TUSC3: variants seen among roughly 807,000 people sequenced by gnomAD.
TUSC3 encodes tumor suppressor candidate 3.
Under a neutral mutation model 44.8 loss-of-function variants are expected in TUSC3, and 45 were observed. The observed-to-expected ratio is 1.00, with a 90% CI of 0.79 to 1.29. TUSC3 has a LOEUF of 1.29. Among genes scored for constraint, TUSC3 ranks in the 50% most tolerant of loss-of-function variants. The pLI is 0.00. For synonymous variants in TUSC3, 212 were observed against 152.9 expected (o/e 1.39, Z -2.85); for missense variants, 519 against 437.9 (o/e 1.19, Z -1.65).
intron 6 of TUSC3, among the ~76,000 whole-genome samples, chr8:15,699,237 A>C (rs1477724956): frequency 1.4e-5 from 2 of 139,760 alleles, no homozygotes; most frequent in African/African-American, 2.7e-5. Context: ...TATTCAGTGA[A>C]TTGTAATGTA....
At chr8:15,573,871 A>C (rs543960800) in intron 1 of TUSC3, among the ~76,000 whole-genome samples, 9 of 152,028 alleles carry the variant, frequency 5.9e-5, no homozygotes, top group African/African-American at 1.9e-4. Flanking sequence ...TCATATTGCA[A>C]CTTTCCTGAC....
chr8:15,639,782 GTT>G (rs34230510), intron 2 of TUSC3, among the ~76,000 whole-genome samples: 1 of 140,818 alleles, frequency 7.1e-6, no homozygotes. Flanking sequence ...CATAAGAGTC[GTT>G]TTTTTTTTTT....
chr8:15,586,396 G>A (rs1459248068), intron 1 of TUSC3, among the ~76,000 whole-genome samples: 2 of 152,122 alleles, frequency 1.3e-5, no homozygotes, highest in African/African-American at 2.4e-5. Context: ...GGTGGGGTGG[G>A]ATGGAGAGAC....
At chr8:15,818,586 T>G in the TUSC3 span, among the ~76,000 whole-genome samples, 5 of 152,198 alleles carry the variant, frequency 3.3e-5, no homozygotes, top group African/African-American at 4.8e-5. Flanking sequence ...CTTTTATTTC[T>G]CAAATCCTCT....
the TUSC3 span, among the ~76,000 whole-genome samples, chr8:15,778,341 C>G: frequency 5.9e-5 from 9 of 152,098 alleles, no homozygotes; most frequent in Non-Finnish European, 1.2e-4. Flanking sequence ...CTTTTAGGGT[C>G]CTGGGAAAAA....
chr8:15,731,575 G>C (rs892933052), intron 7 of TUSC3, among the ~76,000 whole-genome samples: 4 of 152,098 alleles, frequency 2.6e-5, no homozygotes, highest in African/African-American at 7.2e-5. Context: ...CCCACAAAGG[G>C]CTTATGTTAG....
At chr8:15,742,453 A>G (rs777962364) in intron 7 of TUSC3, among the ~76,000 whole-genome samples, 1 of 152,198 alleles carries the variant, frequency 6.6e-6, no homozygotes, top group Non-Finnish European at 1.5e-5. Context: ...AAATATGAAC[A>G]TTATAATTTA....
chr8:15,671,590 C>A (rs1252735854), intron 5 of TUSC3, among the ~76,000 whole-genome samples: 1 of 151,932 alleles, frequency 6.6e-6, no homozygotes, highest in Non-Finnish European at 1.5e-5. Flanking sequence ...CAGGTTTGAA[C>A]CTGGTTTTGT....
At chr8:15,775,763 TATATATATA>T in the TUSC3 span, among the ~76,000 whole-genome samples, 1 of 147,504 alleles carries the variant, frequency 6.8e-6, no homozygotes, top group African/African-American at 2.5e-5. Flanking sequence ...TATATATATA[TATATATATA>T]TATATCTTCC....
chr8:15,459,676 G>A (rs1170220970), intron 1 of TUSC3, among the ~76,000 whole-genome samples: 1 of 151,918 alleles, frequency 6.6e-6, no homozygotes, highest in African/African-American at 2.4e-5. Context: ...TGTCTTTGGT[G>A]TCCTCATAGT....
chr8:15,770,633 A>G (rs140444285), downstream of TUSC3, among the ~76,000 whole-genome samples: 705 of 152,160 alleles, frequency 4.6e-3, 7 homozygotes, highest in South Asian at 0.025. Context: ...TTGAAATTAT[A>G]ATAATATAGT....
chr8:15,673,239 A>G (rs1255957306), intron 5 of TUSC3, among the ~76,000 whole-genome samples: 2 of 152,086 alleles, frequency 1.3e-5, no homozygotes, highest in African/African-American at 2.4e-5. Flanking sequence ...ATCTCTAAAC[A>G]TCTTCTGAAT....
chr8:15,817,328 G>T, the TUSC3 span, among the ~76,000 whole-genome samples: 4 of 138,856 alleles, frequency 2.9e-5, no homozygotes, highest in Non-Finnish European at 6.2e-5. Flanking sequence ...AACAACCAGA[G>T]AAGAAAGAAA....
chr8:15,627,963 A>C (rs1007975557), intron 2 of TUSC3, among the ~76,000 whole-genome samples: 1 of 152,164 alleles, frequency 6.6e-6, no homozygotes, highest in Non-Finnish European at 1.5e-5. Context: ...GCCACTGGCC[A>C]CAGAGGTTTC....
the TUSC3 span, among the ~76,000 whole-genome samples, chr8:15,779,473 G>T: frequency 9.9e-6 from 1 of 101,514 alleles, no homozygotes; most frequent in Non-Finnish European, 2.2e-5. Context: ...AAAAGCTGAA[G>T]GAGTATTGAC....
chr8:15,521,080 A>C (rs1204896317), intron 2 of TUSC3, among the ~76,000 whole-genome samples: 1 of 152,210 alleles, frequency 6.6e-6, no homozygotes, highest in Non-Finnish European at 1.5e-5. Flanking sequence ...TAGGACTTAC[A>C]TACAGGGCAT....
the TUSC3 span, among the ~76,000 whole-genome samples, chr8:15,815,083 T>C: frequency 6.6e-6 from 1 of 152,082 alleles, no homozygotes; most frequent in South Asian, 2.1e-4. Flanking sequence ...ATATAAGTAA[T>C]GAGATATAAG....
At chr8:15,583,423 G>T (rs1803460189) in intron 1 of TUSC3, among the ~76,000 whole-genome samples, 1 of 152,052 alleles carries the variant, frequency 6.6e-6, no homozygotes, top group Non-Finnish European at 1.5e-5. Context: ...TGCTACATGA[G>T]GATTACTGGA....
In TUSC3 at chr8:15,555,134, G is replaced by T. The variant is rs933312964; in HGVS notation, c.138+14566G>T. On this transcript the variant is annotated intron_variant, in intron 1 of 10. Coordinates refer to ENST00000503731, the MANE Select transcript of TUSC3 (RefSeq NM_006765.4). Reference sequence around the variant, plus strand: ...GTACGTAGGTGACAATATTATAATAGCAGTCTTTTTTTTTTTTTTTTTTTT... The same window carrying T: ...GTACGTAGGTGACAATATTATAATATCAGTCTTTTTTTTTTTTTTTTTTTT... Among the ~76,000 whole-genome samples the T allele has an allele frequency of 5.3e-4, 67 of 125,500 alleles. 1 individual carries two copies. The highest frequency in any genetic ancestry group is 5.5e-4 in the Non-Finnish European group (34 of 62,200). The allele number at this position is 125,500 out of a possible 152,430, so 82.3% of individuals were successfully genotyped here.
Sources: gnomAD v4.1 joint callset for allele counts (sites outside exome capture counted in the v4.1 genomes callset) on GRCh38, gnomAD v4.1.1 for gene constraint, MANE v1.5 for transcripts, NCBI Gene and HGNC (gene_info 2026-07-23, HGNC 2026-07-21) for gene names.